SDK1: variants seen among roughly 807,000 people sequenced by gnomAD.
SDK1 encodes sidekick cell adhesion molecule 1.
In SDK1, 157 loss-of-function variants were observed where a neutral mutation model predicts 245.5. The observed-to-expected ratio is 0.64, with a 90% CI of 0.56 to 0.73. The LOEUF is 0.73. Ranked by LOEUF, SDK1 falls within the 30% of genes least tolerant of loss-of-function variation. The probability of loss-of-function intolerance (pLI) is 0.00; values close to 1 mark genes in which losing one functional copy is unlikely to be tolerated. For synonymous variants in SDK1, 1,647 were observed against 1,278.5 expected, an observed-to-expected ratio of 1.29 and a Z score of -6.15; for missense variants, 3,583 against 3,002.3, an observed-to-expected ratio of 1.19 and a Z score of -4.52.
At chr7:3,890,500 A>T (rs1216371997) in intron 5 of SDK1, among the ~76,000 whole-genome samples, 1 of 152,220 alleles carries the variant, frequency 6.6e-6, no homozygotes, top group Non-Finnish European at 1.5e-5. Context: ...AGAAAAATTA[A>T]AGTTGCATGT....
chr7:4,225,117 G>A (rs544652793), intron 40 of SDK1, among the ~76,000 whole-genome samples: 1 of 152,000 alleles, frequency 6.6e-6, no homozygotes, highest in East Asian at 1.9e-4. Context: ...CCAGCAGATG[G>A]GTGGCTGTCA....
chr7:3,667,779 T>A (rs1334723710), intron 4 of SDK1, among the ~76,000 whole-genome samples: 1 of 152,254 alleles, frequency 6.6e-6, no homozygotes, highest in Non-Finnish European at 1.5e-5. Flanking sequence ...ATCAGTACTT[T>A]GTTCTTCTTT....
intron 1 of SDK1, among the ~76,000 whole-genome samples, chr7:3,305,876 G>A (rs902652709): frequency 6.6e-6 from 1 of 152,170 alleles, no homozygotes; most frequent in East Asian, 1.9e-4. Flanking sequence ...ATTCTTCACA[G>A]CAGCTCCTGA....
intron 17 of SDK1, among the ~76,000 whole-genome samples, chr7:4,040,788 C>T (rs1788571958): frequency 6.6e-6 from 1 of 152,140 alleles, no homozygotes; most frequent in South Asian, 2.1e-4. Flanking sequence ...CCCGCTGGTG[C>T]CTTGTTGCCT....
chr7:3,823,012 A>C (rs565691798), intron 5 of SDK1, among the ~76,000 whole-genome samples: 1 of 152,188 alleles, frequency 6.6e-6, no homozygotes, highest in African/African-American at 2.4e-5. Context: ...TGAGGAATTG[A>C]ATCTCGCTCT....
rs190550530 is a variant in SDK1, at chr7:3,984,103, G to A, written c.1995-3083G>A. ...TTTTGCTGTTGGGTGTGCCTGCTTC[G>A]GGTAGATACTTCTCATCTGTTGCTT... On this transcript the variant is annotated intron_variant, in intron 13 of 44. Transcript: ENST00000404826. 1.4e-4 allele frequency among the ~76,000 whole-genome samples: 21 copies of A among 152,228 alleles called. No individual in the cohort carries two copies. In the East Asian group the frequency reaches 3.1e-3, roughly 22 times the overall value.
intron 29 of SDK1, among the ~76,000 whole-genome samples, chr7:4,148,979 C>G (rs1262710053): frequency 6.6e-6 from 1 of 152,146 alleles, no homozygotes; most frequent in Non-Finnish European, 1.5e-5. Context: ...TCCCTTGAAC[C>G]CAGGAGACAG....
intron 5 of SDK1, among the ~76,000 whole-genome samples, chr7:3,885,038 C>G (rs1382583101): frequency 6.6e-6 from 1 of 152,148 alleles, no homozygotes; most frequent in Non-Finnish European, 1.5e-5. Context: ...CGACCCCCAC[C>G]CCGCCCCATC....
At chr7:4,020,523 G>T (rs992690622) in intron 17 of SDK1, among the ~76,000 whole-genome samples, 2 of 152,206 alleles carry the variant, frequency 1.3e-5, no homozygotes, top group Admixed American at 1.3e-4. Flanking sequence ...GAAGACGGGG[G>T]CAATGCTTGC....
intron 1 of SDK1, among the ~76,000 whole-genome samples, chr7:3,372,265 G>A (rs1562447015): frequency 6.6e-6 from 1 of 152,162 alleles, no homozygotes; most frequent in African/African-American, 2.4e-5. Context: ...TGTGTGTCCT[G>A]TGACTGGTAG....
Position 3,821,278 on chromosome 7 carries a change from G to T in SDK1, c.714-172G>T, listed in dbSNP as rs573358487. ...CAGTGTGCCAGCTGGATCAGAAGAG[G>T]CTCTCTCTGGCGTTGTCGTATTCTT... On this transcript the variant is annotated intron_variant, in intron 4 of 44. Coordinates refer to ENST00000404826, the MANE Select transcript of SDK1 (RefSeq NM_152744.4). Among the ~76,000 whole-genome samples the T allele has an allele frequency of 2.0e-4, 31 of 152,304 alleles. No individual in the cohort carries two copies. The South Asian group carries it at 6.4e-3, about 32-fold the overall frequency.
chr7:3,383,603 G>A (rs1290754790), intron 1 of SDK1, among the ~76,000 whole-genome samples: 2 of 152,124 alleles, frequency 1.3e-5, no homozygotes, highest in African/African-American at 4.8e-5. Context: ...TAAACTGGAT[G>A]GTCTTGATAT....
intron 36 of SDK1, 50 bp downstream of exon 36, chr7:4,206,044 CG>C: frequency 8.1e-7 from 1 of 1,227,626 alleles, no homozygotes. Flanking sequence ...GGGCACCCCT[CG>C]TTCACGTGGT....
At chr7:3,829,714 C>T (rs1453063868) in intron 5 of SDK1, among the ~76,000 whole-genome samples, 3 of 152,130 alleles carry the variant, frequency 2.0e-5, no homozygotes, top group East Asian at 3.9e-4. Flanking sequence ...AGGCTCTCTG[C>T]GAAGAGCTCT....
chr7:3,588,882 A>G (rs959670683), intron 1 of SDK1, among the ~76,000 whole-genome samples: 3 of 152,198 alleles, frequency 2.0e-5, no homozygotes, highest in East Asian at 1.9e-4. Context: ...CTTTCTCTTC[A>G]TAGTCATTTT....
intron 5 of SDK1, among the ~76,000 whole-genome samples, chr7:3,876,076 TG>T (rs1450008773): frequency 6.6e-6 from 1 of 152,144 alleles, no homozygotes; most frequent in Non-Finnish European, 1.5e-5. Context: ...CCACTGCAGG[TG>T]CTCTGGCCAG....
chr7:4,069,518 C>G (rs746876719), intron 20 of SDK1, among the ~76,000 whole-genome samples: 1 of 152,212 alleles, frequency 6.6e-6, no homozygotes, highest in Non-Finnish European at 1.5e-5. Context: ...TGGAGCTGAG[C>G]TGCGTCTCCG....
chr7:3,452,087 T>A (rs1780531927), intron 1 of SDK1, among the ~76,000 whole-genome samples: 1 of 152,230 alleles, frequency 6.6e-6, no homozygotes, highest in East Asian at 1.9e-4. Flanking sequence ...ATAAATTCTT[T>A]AAGGATTTCA....
At chr7:3,955,849 C>G (rs1200169047) in intron 7 of SDK1, among the ~76,000 whole-genome samples, 1 of 152,152 alleles carries the variant, frequency 6.6e-6, no homozygotes, top group Non-Finnish European at 1.5e-5. Flanking sequence ...AGAGTGAGGT[C>G]ATTTGACAGA....
Sources: gnomAD v4.1 joint callset for allele counts (sites outside exome capture counted in the v4.1 genomes callset) on GRCh38, gnomAD v4.1.1 for gene constraint, MANE v1.5 for transcripts, NCBI Gene and HGNC (gene_info 2026-07-23, HGNC 2026-07-21) for gene names.